The following ABTB1 variants were observed in gnomAD, a reference collection of about 807,000 sequenced individuals.
ABTB1 encodes ankyrin repeat and BTB/POZ domain-containing protein 1.
In ABTB1, 45 loss-of-function variants were observed where a neutral mutation model predicts 57.1. The observed-to-expected ratio is 0.79, with a 90% confidence interval of 0.62 to 1.01. ABTB1 has a LOEUF of 1.01. ABTB1 is among the 50% of genes least tolerant of loss of function. The pLI is 0.00. For missense variants in ABTB1, 630 were observed against 666.3 expected (o/e 0.95, Z 0.60); for synonymous variants, 302 against 275.4 (o/e 1.10, Z -0.95).
At position 127,680,331 on chromosome 3, in the gene ABTB1, G is replaced by T. The variant is rs1474516428; in HGVS notation, c.1293G>T (p.Arg431=). Residue 431 remains arginine (R), a synonymous_variant, in exon 12 of 12, where the codon CGG becomes CGT. Transcript: ENST00000232744. The part of the protein sequence containing the change: ...VKEEAAAVAA[R]QETDSIPLVD... ...AGGAGGCAGCGGCTGTGGCAGCCCG[G>T]CAGGAGACGGACTCTATCCCGCTGG... 8 of 1,610,328 alleles carry T rather than the reference G, an allele frequency of 5.0e-6. No individual in the cohort carries two copies. The highest frequency in any genetic ancestry group is 6.8e-6 in the Non-Finnish European group (8 of 1,178,618).
chr3:127,679,984 G>C lies in ABTB1; in HGVS notation c.1030-1G>C. The C allele has an allele frequency of 6.2e-7, 1 of 1,613,290 alleles. No individual in the cohort carries two copies. The highest frequency in any genetic ancestry group is 8.5e-7 in the Non-Finnish European group (1 of 1,179,898). On this transcript the variant is annotated splice_acceptor_variant, in intron 10 of 11. Coordinates refer to ENST00000232744, the MANE Select transcript of ABTB1 (RefSeq NM_172027.3). LOFTEE classifies it high-confidence loss of function. ...CACCTTCATCCCTGTCTTCACTGCA[G>C]CTGTCCCCCGAGGCAGCCTATGATG...
chr3:127,678,582 A>T (rs1484314572), intron 10 of ABTB1: 2 of 152,316 alleles, frequency 1.3e-5, no homozygotes, highest in Admixed American at 6.5e-5. Flanking sequence ...GTAGCCAGAG[A>T]CAGTACAGAG....
chr3:127,677,899 GAGGGAGCGCC>G, intron 10 of ABTB1, 56 bp downstream of exon 10: 1 of 1,578,260 alleles, frequency 6.3e-7, no homozygotes, highest in South Asian at 1.1e-5. Context: ...CGTGGGCTGA[GAGGGAGCGCC>G]AGGGCCCTGG....
intron 1 of ABTB1, chr3:127,673,285 C>T: frequency 2.5e-6 from 1 of 407,792 alleles, no homozygotes; most frequent in Non-Finnish European, 4.1e-6. Flanking sequence ...ACACTGATGG[C>T]CATTGACCCC....
At chr3:127,673,321 T>G (rs2074893530) in intron 1 of ABTB1, 2 of 335,700 alleles carry the variant, frequency 6.0e-6, no homozygotes, top group African/African-American at 2.2e-5. Flanking sequence ...AAGAAGGGAC[T>G]GCTCAGCGGA....
At chr3:127,678,062 ACAG>A (rs1212408951) in intron 10 of ABTB1, 4 of 557,672 alleles carry the variant, frequency 7.2e-6, no homozygotes, top group Non-Finnish European at 3.1e-6. Flanking sequence ...AGCCTGTGTC[ACAG>A]ACACTCCACA....
Position 127,680,073 on chromosome 3 carries a change from C to A in ABTB1, c.1118C>A (p.Ala373Asp). 1 of 1,613,864 alleles carries A rather than the reference C, an allele frequency of 6.2e-7. No individual in the cohort carries two copies. The highest frequency in any genetic ancestry group is 8.5e-7 in the Non-Finnish European group (1 of 1,180,028). Residue 373 changes from alanine (A) to aspartate (D), a missense_variant, in exon 11 of 12, where the codon GCT becomes GAT. Physicochemically the swap from Ala to Asp is moderately radical, Grantham distance 126 (BLOSUM62 -2). This residue lies in a region of ABTB1 where 579 missense variants were observed against 585.9 expected (regional missense o/e 0.99). Coordinates refer to ENST00000232744, the MANE Select transcript of ABTB1 (RefSeq NM_172027.3). ...GLKRLCGRSL[A>D]QMLDEDTVVG... Reference sequence around the variant, plus strand: ...AAGAGGCTGTGCGGCCGCAGCCTGGCTCAGATGCTAGACGAGGACACTGTG... The same window carrying A: ...AAGAGGCTGTGCGGCCGCAGCCTGGATCAGATGCTAGACGAGGACACTGTG...
intron 1 of ABTB1, 77 bp downstream of exon 1, chr3:127,673,158 T>C (rs1426555452): frequency 1.5e-6 from 2 of 1,367,550 alleles, no homozygotes; most frequent in Non-Finnish European, 9.5e-7. Context: ...GACGGGCGGC[T>C]GGGCGGCCGC....
intron 10 of ABTB1, 100 bp downstream of exon 10, chr3:127,677,943 G>A: frequency 6.9e-7 from 1 of 1,440,070 alleles, no homozygotes. Flanking sequence ...GGCCCAGCTG[G>A]CCCCATGGTT....
intron 10 of ABTB1, 156 bp from the exon 11 acceptor site, chr3:127,679,822 AGCCCCCC>A: frequency 2.6e-6 from 1 of 386,794 alleles, no homozygotes; most frequent in Non-Finnish European, 4.8e-6. Flanking sequence ...AATCTGGGCC[AGCCCCCC>A]GACCCCCAAC....
Position 127,680,525 on chromosome 3 carries a change from A to T in ABTB1, c.*50A>T. The T allele has an allele frequency of 1.3e-6, 2 of 1,586,106 alleles. No individual in the cohort carries two copies. The highest frequency in any genetic ancestry group is 8.6e-7 in the Non-Finnish European group (1 of 1,169,376). On this transcript the variant is annotated 3_prime_UTR_variant, in exon 12 of 12. Coordinates refer to ENST00000232744, the MANE Select transcript of ABTB1 (RefSeq NM_172027.3). ...GCCAGGAGCTCTCTTGGAGACAAGCATGTGTATGCGTTTGTGTGCAGCTCT... is the reference window on the plus strand; with the variant it reads ...GCCAGGAGCTCTCTTGGAGACAAGCTTGTGTATGCGTTTGTGTGCAGCTCT...
In ABTB1 at chr3:127,676,478, G is replaced by T; in HGVS notation, c.480+47G>T. ...GAGGGGCATGAACTGTCCAGGAACA[G>T]CAGGAGGTTGTGCTGGGTGGCTGCC... On this transcript the variant is annotated intron_variant, in intron 5 of 11. Coordinates refer to ENST00000232744, the MANE Select transcript of ABTB1 (RefSeq NM_172027.3). The surrounding 1 kb of genome is among the most constrained non-coding windows in gnomAD (Gnocchi z 5.4). 2 of 1,614,142 alleles carry T rather than the reference G, an allele frequency of 1.2e-6. No homozygotes were observed. Among genetic ancestry groups the T allele is most frequent in the Non-Finnish European group, 8.5e-7 (1 of 1,179,992 alleles).
In ABTB1 at chr3:127,680,477, C is replaced by A. The variant is rs1456670261; in HGVS notation, c.*2C>A. On this transcript the variant is annotated 3_prime_UTR_variant, in exon 12 of 12. Transcript: ENST00000232744. The stretch of plus-strand genomic sequence containing the variant: ...GTGTCCATCGGTCTGGACTGTTGAG[C>A]CCCTGGCTGGGCAGCCCCAGGGGCC... 1.9e-6 allele frequency: 3 copies of A among 1,599,218 alleles called. No individual in the cohort carries two copies. The highest frequency in any genetic ancestry group is 1.1e-5 in the South Asian group (1 of 89,988).
rs777886585 is a variant in ABTB1 at position 127,674,230 on chromosome 3, C to T, written c.57-161C>T. 3.5e-5 allele frequency: 30 copies of T among 865,880 alleles called. No homozygotes were observed. The East Asian group carries it at 7.5e-4, about 22-fold the overall frequency. 53.6% of individuals were successfully genotyped at this position (865,880 alleles called of 1,614,324 possible). ...CTCCACATCCTTGCCTGCACTTTGC[C>T]TTGAGTGCCTCTCCTGCTCTGGTCT... On this transcript the variant is annotated intron_variant, in intron 1 of 11. Transcript: ENST00000232744.
rs553557406 is a variant in ABTB1 at position 127,675,787 on chromosome 3, C to T, written c.176-183C>T. ...ATGTGCCTGTGTGAGTGCACACAGACGTGCCCATTCGCCTAGCCCTTGACT... is the reference window on the plus strand; with the variant it reads ...ATGTGCCTGTGTGAGTGCACACAGATGTGCCCATTCGCCTAGCCCTTGACT... On this transcript the variant is annotated intron_variant, in intron 3 of 11. Transcript: ENST00000232744. The T allele has an allele frequency of 7.0e-5, 49 of 702,594 alleles. 1 individual carries two copies. The highest frequency in any genetic ancestry group is 8.0e-5 in the Non-Finnish European group (34 of 424,340). The allele number at this position is 702,594 out of a possible 1,614,324, so 43.5% of individuals were successfully genotyped here. A position where few individuals can be genotyped will look rare whatever the true frequency, so the allele number is the denominator to read the frequency against.
intron 10 of ABTB1, chr3:127,679,066 G>A (rs896966862): frequency 3.7e-5 from 6 of 163,954 alleles, no homozygotes; most frequent in African/African-American, 1.4e-4. Context: ...CCTGTAGCAG[G>A]GGTTACCTTT....
chr3:127,677,782 A>ATGG lies in ABTB1; in HGVS notation c.969_971dup (p.Gly324dup). 6.2e-7 allele frequency: 1 copy of ATGG among 1,612,600 alleles called. No homozygotes were observed. Among genetic ancestry groups the ATGG allele is most frequent in the Non-Finnish European group, 8.5e-7 (1 of 1,179,616 alleles). ...GGGGGCCCCCCAGCCGTCACCCTGCATGGCATCTCACCCGACGTCTTCACT... is the reference window on the plus strand; with the variant it reads ...GGGGGCCCCCCAGCCGTCACCCTGCATGGTGGCATCTCACCCGACGTCTTCACT... On this transcript the variant is annotated inframe_insertion, in exon 10 of 12. Transcript: ENST00000232744.
Position 127,680,915 on chromosome 3 carries a change from G to A in ABTB1, c.*440G>A, listed in dbSNP as rs1489897893. ...TGTGGCAATAAAGCTTGAAGGCACCGTGGGAGCATGAGCCTGTGTCCTGGG... is the reference window on the plus strand; with the variant it reads ...TGTGGCAATAAAGCTTGAAGGCACCATGGGAGCATGAGCCTGTGTCCTGGG... On this transcript the variant is annotated 3_prime_UTR_variant, in exon 12 of 12. Coordinates refer to ENST00000232744, the MANE Select transcript of ABTB1 (RefSeq NM_172027.3). The A allele has an allele frequency of 3.5e-5, 18 of 516,516 alleles. No individual in the cohort carries two copies. Among genetic ancestry groups the A allele is most frequent in the East Asian group, 2.9e-4 (9 of 31,488 alleles). The allele number at this position is 516,516 out of a possible 1,614,324, so 32.0% of individuals were successfully genotyped here. A position where few individuals can be genotyped will look rare whatever the true frequency, so the allele number is the denominator to read the frequency against.
At position 127,680,580 on chromosome 3, in the gene ABTB1, C is replaced by A. The variant is rs1253813105; in HGVS notation, c.*105C>A. 2.8e-6 allele frequency: 4 copies of A among 1,404,336 alleles called. No individual in the cohort carries two copies. The highest frequency in any genetic ancestry group is 4.0e-6 in the Non-Finnish European group (4 of 1,004,834). 87.0% of individuals were successfully genotyped at this position (1,404,336 alleles called of 1,614,324 possible). A position where few individuals can be genotyped will look rare whatever the true frequency, so the allele number is the denominator to read the frequency against. ...CCTGCTCCCTGCACATTGAGGGCTTCATGGGGGGTGCGAGGGGCTCAGTGG... is the reference window on the plus strand; with the variant it reads ...CCTGCTCCCTGCACATTGAGGGCTTAATGGGGGGTGCGAGGGGCTCAGTGG... On this transcript the variant is annotated 3_prime_UTR_variant, in exon 12 of 12. Transcript: ENST00000232744.
Sources: allele counts gnomAD v4.1 joint callset, GRCh38; gene constraint gnomAD v4.1.1; regional missense constraint gnomAD v4.1.1; non-coding constraint Gnocchi (gnomAD v3.1); transcripts MANE v1.5; gene names NCBI Gene and HGNC (gene_info 2026-07-23, HGNC 2026-07-21).